Variants in CTNNA3 observed in about 807,000 individuals in gnomAD.
The protein encoded by CTNNA3 is catenin alpha 3, also known as catenin alpha-3.
CTNNA3 carries 76 observed loss-of-function variants against 95.7 expected under a neutral mutation model. The observed-to-expected ratio is 0.79, with a 90% CI of 0.66 to 0.96. CTNNA3 has a LOEUF of 0.96. CTNNA3 is among the 40% of genes least tolerant of loss of function. CTNNA3 has a pLI of 0.00. For missense variants in CTNNA3, 1,191 were observed against 1,089.8 expected (o/e 1.09, Z -1.31); for synonymous variants, 431 against 374.4 (o/e 1.15, Z -1.74).
chr10:66,309,952 A>AATAAAT (rs1554929521), intron 12 of CTNNA3, among the ~76,000 whole-genome samples: 10 of 141,734 alleles, frequency 7.1e-5, no homozygotes, highest in African/African-American at 2.9e-4. Flanking sequence ...TAAATAAATA[A>AATAAAT]ATAAAATAAA....
intron 7 of CTNNA3, among the ~76,000 whole-genome samples, chr10:66,865,267 A>G (rs559718079): frequency 6.6e-6 from 1 of 150,964 alleles, no homozygotes; most frequent in Non-Finnish European, 1.5e-5. Context: ...AGGAAGTATC[A>G]TTTTACTCCA....
At chr10:67,336,010 C>T (rs530849002) in intron 5 of CTNNA3, among the ~76,000 whole-genome samples, 1 of 152,028 alleles carries the variant, frequency 6.6e-6, no homozygotes, top group South Asian at 2.1e-4. Flanking sequence ...ATATTTCAAA[C>T]TTCTTCATTA....
At chr10:66,911,172 G>T (rs1846206788) in intron 7 of CTNNA3, among the ~76,000 whole-genome samples, 1 of 152,190 alleles carries the variant, frequency 6.6e-6, no homozygotes, top group South Asian at 2.1e-4. Context: ...TTAAGGGAAA[G>T]TCTGTATAAT....
At chr10:67,750,804 T>C in intron 1 of CTNNA3, 1 of 1,609,724 alleles carries the variant, frequency 6.2e-7, no homozygotes, top group Admixed American at 1.7e-5. Flanking sequence ...TGAACAAACC[T>C]GGACTGAAAT....
chr10:65,963,358 ATC>A (rs1284694439), intron 17 of CTNNA3, among the ~76,000 whole-genome samples: 2 of 151,964 alleles, frequency 1.3e-5, no homozygotes, highest in Non-Finnish European at 2.9e-5. Context: ...TGTCTTCCCT[ATC>A]TCTGTTTTAT....
intron 7 of CTNNA3, among the ~76,000 whole-genome samples, chr10:66,842,727 T>C (rs1413623081): frequency 6.6e-6 from 1 of 152,170 alleles, no homozygotes; most frequent in Non-Finnish European, 1.5e-5. Flanking sequence ...TTTTGCATTA[T>C]AGCTAAGGGC....
chr10:67,538,246 G>A (rs1323435596), intron 4 of CTNNA3, among the ~76,000 whole-genome samples: 2 of 150,858 alleles, frequency 1.3e-5, no homozygotes, highest in Non-Finnish European at 2.9e-5. Context: ...TACACAGAGA[G>A]GGTCACTCTA....
intron 7 of CTNNA3, among the ~76,000 whole-genome samples, chr10:66,783,867 T>G (rs529659635): frequency 6.6e-6 from 1 of 152,306 alleles, no homozygotes; most frequent in East Asian, 1.9e-4. Flanking sequence ...GTTTCTTAAG[T>G]CTAATTCCTA....
intron 10 of CTNNA3, among the ~76,000 whole-genome samples, chr10:66,545,353 C>T (rs2939907): frequency 0.92 from 140,035 of 152,078 alleles, 64,669 homozygotes; most frequent in East Asian, 0.98. Flanking sequence ...TTAGTCAATA[C>T]TACACTTGTG....
chr10:66,391,678 C>A (rs562795354), intron 11 of CTNNA3, among the ~76,000 whole-genome samples: 1 of 152,048 alleles, frequency 6.6e-6, no homozygotes, highest in Non-Finnish European at 1.5e-5. Context: ...AGCTTCATTG[C>A]TCTGTAGGAC....
At chr10:66,347,460 T>A (rs1365704203) in intron 12 of CTNNA3, among the ~76,000 whole-genome samples, 1 of 151,928 alleles carries the variant, frequency 6.6e-6, no homozygotes, top group Non-Finnish European at 1.5e-5. Flanking sequence ...CAAAACATTT[T>A]AAAAATGAGT....
At chr10:66,093,236 T>C (rs1443122233) in intron 14 of CTNNA3, among the ~76,000 whole-genome samples, 3 of 152,054 alleles carry the variant, frequency 2.0e-5, no homozygotes, top group Non-Finnish European at 2.9e-5. Flanking sequence ...GAAATGACAC[T>C]AAATTTAAAT....
At chr10:67,395,143 T>C (rs946813039) in intron 5 of CTNNA3, among the ~76,000 whole-genome samples, 1 of 152,156 alleles carries the variant, frequency 6.6e-6, no homozygotes, top group Non-Finnish European at 1.5e-5. Context: ...AATCAACTCA[T>C]TTCAGTAAAA....
At chr10:66,529,456 T>G (rs955450828) in intron 10 of CTNNA3, among the ~76,000 whole-genome samples, 2 of 150,738 alleles carry the variant, frequency 1.3e-5, no homozygotes, top group Non-Finnish European at 2.9e-5. Flanking sequence ...TTTTGTTTTT[T>G]TTTTTTAATA....
At chr10:66,453,915 T>C (rs894119082) in intron 11 of CTNNA3, among the ~76,000 whole-genome samples, 4 of 152,186 alleles carry the variant, frequency 2.6e-5, no homozygotes, top group Non-Finnish European at 5.9e-5. Context: ...TGTGAATATG[T>C]TACCTTACAT....
At chr10:66,932,735 C>G (rs1027251092) in intron 7 of CTNNA3, among the ~76,000 whole-genome samples, 1 of 152,146 alleles carries the variant, frequency 6.6e-6, no homozygotes, top group Non-Finnish European at 1.5e-5. Context: ...AAAGTCACTG[C>G]TTTCCTAATC....
At position 66,881,196 on chromosome 10, in the gene CTNNA3, A is replaced by G. The variant is rs141289647; in HGVS notation, c.1048-105672T>C. On this transcript the variant is annotated intron_variant, in intron 7 of 17. Transcript: ENST00000433211. ...ACAGGATGAAAACAACATAAGAAAC[A>G]GTTTATATGAACTCAGTTCCAACAT... Among the ~76,000 whole-genome samples the G allele has an allele frequency of 5.4e-3, 829 of 152,270 alleles. 5 individuals carry two copies. The highest frequency in any genetic ancestry group is 0.019 in the African/African-American group (780 of 41,566).
At chr10:67,022,135 A>AT (rs1853059235) in intron 7 of CTNNA3, among the ~76,000 whole-genome samples, 4 of 152,160 alleles carry the variant, frequency 2.6e-5, no homozygotes, top group African/African-American at 7.2e-5. Context: ...GTGGGAAAAA[A>AT]ATATATATCA....
intron 11 of CTNNA3, among the ~76,000 whole-genome samples, chr10:66,403,500 T>C (rs1191775242): frequency 6.6e-6 from 1 of 152,070 alleles, no homozygotes; most frequent in East Asian, 1.9e-4. Flanking sequence ...TTTTAAACCA[T>C]CAGATCTCAT....
Sources: gnomAD v4.1 joint callset for allele counts (sites outside exome capture counted in the v4.1 genomes callset) on GRCh38, gnomAD v4.1.1 for gene constraint, MANE v1.5 for transcripts, NCBI Gene and HGNC (gene_info 2026-07-23, HGNC 2026-07-21) for gene names.